SLCO1C1: variants seen among roughly 807,000 people sequenced by gnomAD.
SLCO1C1 encodes the protein OAT-RP-5.
SLCO1C1 carries 70 observed loss-of-function variants against 76.4 expected under a neutral mutation model. The ratio of observed to expected loss-of-function variants is 0.92; its 90% CI spans 0.76 to 1.12. SLCO1C1 has a LOEUF of 1.12. Among genes scored for constraint, SLCO1C1 ranks in the 50% most tolerant of loss-of-function variants. The pLI is 0.00. For missense variants in SLCO1C1, 912 were observed against 823.8 expected (o/e 1.11, Z -1.31); for synonymous variants, 306 against 286.1 (o/e 1.07, Z -0.70).
chr12:20,697,108 T>G (rs1031381959), intron 1 of SLCO1C1: 3 of 152,060 alleles, frequency 2.0e-5, no homozygotes, highest in Admixed American at 1.3e-4. Context: ...AATTATTTTT[T>G]CTCTTTGACA....
At chr12:20,727,936 A>G (rs1398659154) in intron 9 of SLCO1C1, among the ~76,000 whole-genome samples, 3 of 152,220 alleles carry the variant, frequency 2.0e-5, no homozygotes, top group African/African-American at 7.2e-5. Flanking sequence ...CATCAAATGC[A>G]TAGTTCGTGA....
chr12:20,703,988 C>T (rs374014614), intron 3 of SLCO1C1, among the ~76,000 whole-genome samples: 6 of 102,180 alleles, frequency 5.9e-5, no homozygotes, highest in African/African-American at 8.0e-5. Context: ...TGTGTGTGTG[C>T]ATAGACAGAC....
rs916169976 is a variant in SLCO1C1, at chr12:20,715,356, T to A, written c.676+71T>A. ...GTCTAGTTTTCTGAATTCCCCTCTA[T>A]GCTAAATTAAGTGGGGAAGCTTTTT... On this transcript the variant is annotated intron_variant, in intron 6 of 14. Coordinates refer to ENST00000266509, the MANE Select transcript of SLCO1C1 (RefSeq NM_017435.5). 6 of 1,544,150 alleles carry A rather than the reference T, an allele frequency of 3.9e-6. No individual in the cohort carries two copies. In the South Asian group the frequency reaches 6.0e-5, roughly 15 times the overall value.
chr12:20,699,507 T>G, intron 1 of SLCO1C1, 45 bp from the exon 2 acceptor site: 1 of 1,412,854 alleles, frequency 7.1e-7, no homozygotes, highest in Non-Finnish European at 9.4e-7. Context: ...TTTAATAAAT[T>G]GCGTAGTATT....
At position 20,740,163 on chromosome 12, in the gene SLCO1C1, C is replaced by A. The variant is rs1328855170; in HGVS notation, c.1549-21C>A. 4 of 1,583,694 alleles carry A rather than the reference C, an allele frequency of 2.5e-6. No individual in the cohort carries two copies. The South Asian group carries it at 4.7e-5, about 18-fold the overall frequency. Reference sequence around the variant, plus strand: ...TTTAAATGTTACTGAAATAATTGGACTTTTCCCTATCGTGTTACAGATATT... The same window carrying A: ...TTTAAATGTTACTGAAATAATTGGAATTTTCCCTATCGTGTTACAGATATT... On this transcript the variant is annotated intron_variant, in intron 11 of 14. Coordinates refer to ENST00000266509, the MANE Select transcript of SLCO1C1 (RefSeq NM_017435.5).
Position 20,752,685 on chromosome 12 carries a change from T to G in SLCO1C1, c.*157T>G. On this transcript the variant is annotated 3_prime_UTR_variant, in exon 15 of 15. Transcript: ENST00000266509. ...GCATTAGGTAATATAACTGATAATATACTGAAACATATAATGGAAGATGCA... is the reference window on the plus strand; with the variant it reads ...GCATTAGGTAATATAACTGATAATAGACTGAAACATATAATGGAAGATGCA... 4.2e-6 allele frequency: 2 copies of G among 481,834 alleles called. No homozygotes were observed. Among genetic ancestry groups the G allele is most frequent in the Non-Finnish European group, 7.1e-6 (2 of 280,056 alleles). The allele number at this position is 481,834 out of a possible 1,614,324, so 29.8% of individuals were successfully genotyped here.
At chr12:20,745,240 G>A (rs1440636517) in intron 13 of SLCO1C1, among the ~76,000 whole-genome samples, 1 of 152,000 alleles carries the variant, frequency 6.6e-6, no homozygotes, top group East Asian at 1.9e-4. Flanking sequence ...AATTATATAA[G>A]GTTTGATATA....
chr12:20,699,855 C>A, intron 2 of SLCO1C1, 150 bp downstream of exon 2: 2 of 878,762 alleles, frequency 2.3e-6, no homozygotes, highest in African/African-American at 1.8e-5. Context: ...CCTTGCCAGG[C>A]GGTGCAAGCA....
chr12:20,704,714 T>C (rs901793666), intron 3 of SLCO1C1, among the ~76,000 whole-genome samples: 7 of 100,894 alleles, frequency 6.9e-5, no homozygotes, highest in Non-Finnish European at 1.5e-4. Context: ...AGTAGTAAAT[T>C]AGATGATTGC....
intron 3 of SLCO1C1, among the ~76,000 whole-genome samples, chr12:20,704,569 C>A (rs1000526568): frequency 6.6e-6 from 1 of 151,748 alleles, no homozygotes; most frequent in African/African-American, 2.4e-5. Flanking sequence ...TTAAGAAGAG[C>A]TTAATTCTTC....
At chr12:20,699,489 T>C (rs1056977495) in intron 1 of SLCO1C1, 63 bp from the exon 2 acceptor site, 2 of 1,341,726 alleles carry the variant, frequency 1.5e-6, no homozygotes, top group Admixed American at 5.9e-5. Flanking sequence ...TACTGTTGAA[T>C]AAAAAAATTT....
chr12:20,751,206 A>G (rs1592350420), intron 14 of SLCO1C1, among the ~76,000 whole-genome samples: 2 of 152,122 alleles, frequency 1.3e-5, no homozygotes, highest in Non-Finnish European at 2.9e-5. Context: ...CCTGGGCAAG[A>G]GTTGGATTTG....
chr12:20,729,375 G>T (rs1592289134), intron 9 of SLCO1C1, among the ~76,000 whole-genome samples: 1 of 152,124 alleles, frequency 6.6e-6, no homozygotes, highest in East Asian at 1.9e-4. Context: ...ATACACTAAG[G>T]TTTATTCAAT....
chr12:20,715,599 C>A (rs1325199730), intron 6 of SLCO1C1, among the ~76,000 whole-genome samples: 1 of 152,160 alleles, frequency 6.6e-6, no homozygotes, highest in Non-Finnish European at 1.5e-5. Context: ...AGTGGGTTAA[C>A]TGTACAGCTA....
At chr12:20,705,332 A>G (rs1946721294) in intron 3 of SLCO1C1, among the ~76,000 whole-genome samples, 1 of 151,974 alleles carries the variant, frequency 6.6e-6, no homozygotes, top group Non-Finnish European at 1.5e-5. Context: ...GCATATGTTG[A>G]GGTTATATAA....
At chr12:20,718,281 G>T (rs1947483438) in intron 7 of SLCO1C1, among the ~76,000 whole-genome samples, 1 of 152,134 alleles carries the variant, frequency 6.6e-6, no homozygotes, top group African/African-American at 2.4e-5. Context: ...TGGCAGTTGA[G>T]CCTACTTGTC....
intron 1 of SLCO1C1, chr12:20,697,190 T>C (rs1946306794): frequency 6.6e-6 from 1 of 152,046 alleles, no homozygotes; most frequent in Admixed American, 6.6e-5. Context: ...GATTTTATTA[T>C]TAAACAATTT....
intron 13 of SLCO1C1, 86 bp from the exon 14 acceptor site, chr12:20,750,584 AATTAG>A: frequency 8.7e-7 from 1 of 1,153,462 alleles, no homozygotes; most frequent in Non-Finnish European, 1.3e-6. Flanking sequence ...CCAAAACAGT[AATTAG>A]ATTAAAGTAA....
intron 9 of SLCO1C1, among the ~76,000 whole-genome samples, chr12:20,732,550 A>G (rs1159826072): frequency 1.3e-5 from 2 of 152,236 alleles, no homozygotes; most frequent in Admixed American, 1.3e-4. Context: ...TAAGTTTTCT[A>G]TATTCTATGT....
Sources: allele counts gnomAD v4.1 joint callset (sites outside exome capture counted in the v4.1 genomes callset), GRCh38; gene constraint gnomAD v4.1.1; transcripts MANE v1.5; gene names NCBI Gene and HGNC (gene_info 2026-07-23, HGNC 2026-07-21).